PLCB1: variants seen among roughly 807,000 people sequenced by gnomAD.
PLCB1 encodes phospholipase C beta 1, also known as 1-phosphatidylinositol 4,5-bisphosphate phosphodiesterase beta-1.
A neutral mutation model predicts 161.8 loss-of-function variants in PLCB1; 46 were observed. The ratio of observed to expected loss-of-function variants is 0.28; its 90% CI spans 0.22 to 0.36. The LOEUF is 0.36. PLCB1 is among the 10% of genes least tolerant of loss of function. The probability of loss-of-function intolerance (pLI) is 1.00; values close to 1 mark genes in which losing one functional copy is unlikely to be tolerated. For synonymous variants in PLCB1, 517 were observed against 503.7 expected (o/e 1.03, Z -0.35); for missense variants, 1,016 against 1,472.5 (o/e 0.69, Z 5.07).
At chr20:8,495,264 T>C (rs1054382840) in intron 3 of PLCB1, among the ~76,000 whole-genome samples, 2 of 152,152 alleles carry the variant, frequency 1.3e-5, no homozygotes, top group African/African-American at 4.8e-5. Flanking sequence ...AGCAAAGTCT[T>C]AGATTAAGGC....
At chr20:8,748,729 T>TAA (rs55905244) in intron 23 of PLCB1, among the ~76,000 whole-genome samples, 165 of 152,182 alleles carry the variant, frequency 1.1e-3, no homozygotes, top group African/African-American at 3.9e-3. Flanking sequence ...GATGAACAAG[T>TAA]AAAAAAATCT....
At chr20:8,195,806 G>C (rs1296334964) in intron 2 of PLCB1, among the ~76,000 whole-genome samples, 1 of 152,050 alleles carries the variant, frequency 6.6e-6, no homozygotes, top group South Asian at 2.1e-4. Flanking sequence ...TCTCAGTCTT[G>C]ATTTGTATGA....
At chr20:8,788,584 C>T in intron 28 of PLCB1, 49 bp from the exon 29 acceptor site, 1 of 1,594,108 alleles carries the variant, frequency 6.3e-7, no homozygotes, top group Non-Finnish European at 8.6e-7. Context: ...AACACAAATT[C>T]CCATCTGATT....
rs190824286 is a variant in PLCB1, at chr20:8,584,828, C to A, written c.247-43466C>A. Among the ~76,000 whole-genome samples the A allele has an allele frequency of 2.8e-3, 421 of 152,066 alleles. 11 individuals are homozygous for A. Among genetic ancestry groups the A allele is most frequent in the Admixed American group, 0.027 (414 of 15,260 alleles). On this transcript the variant is annotated intron_variant, in intron 3 of 31. Transcript: ENST00000338037. The stretch of plus-strand genomic sequence containing the variant: ...GCCTCAGCCTCCTTAGTAGCTGGGA[C>A]TATAGGCGCCCGCCACCACACCTGA...
intron 21 of PLCB1, among the ~76,000 whole-genome samples, chr20:8,739,903 G>A (rs928559376): frequency 2.6e-5 from 4 of 152,182 alleles, no homozygotes; most frequent in Admixed American, 6.5e-5. Context: ...GGTGGCTCAC[G>A]CCTATAATCT....
At chr20:8,834,588 C>T (rs1430469793) in intron 31 of PLCB1, among the ~76,000 whole-genome samples, 1 of 151,936 alleles carries the variant, frequency 6.6e-6, no homozygotes, top group Non-Finnish European at 1.5e-5. Flanking sequence ...GCCAAGGCGG[C>T]CAGATCACTT....
At position 8,320,842 on chromosome 20, in the gene PLCB1, G is replaced by A. The variant is rs1349589945; in HGVS notation, c.178-50540G>A. Reference sequence around the variant, plus strand: ...GGGAGGGAGGGAGAGAGGGAGGGAGGGAGGGAGGGAAAGAGAGAGAAAGAA... The same window carrying A: ...GGGAGGGAGGGAGAGAGGGAGGGAGAGAGGGAGGGAAAGAGAGAGAAAGAA... On this transcript the variant is annotated intron_variant, in intron 2 of 31. Coordinates refer to ENST00000338037, the MANE Select transcript of PLCB1 (RefSeq NM_015192.4). 2.8e-5 allele frequency among the ~76,000 whole-genome samples: 4 copies of A among 140,764 alleles called. No individual in the cohort carries two copies. In the Admixed American group the frequency reaches 2.8e-4, roughly 10 times the overall value. 92.3% of individuals were successfully genotyped at this position (140,764 alleles called of 152,430 possible).
intron 4 of PLCB1, among the ~76,000 whole-genome samples, chr20:8,644,204 G>A (rs895399879): frequency 9.2e-5 from 14 of 152,154 alleles, no homozygotes; most frequent in Non-Finnish European, 1.2e-4. Context: ...TGCAGCCTCT[G>A]CCCGGCCACC....
intron 2 of PLCB1, among the ~76,000 whole-genome samples, chr20:8,171,839 A>G (rs2051735656): frequency 1.3e-5 from 2 of 152,130 alleles, no homozygotes; most frequent in Non-Finnish European, 2.9e-5. Flanking sequence ...TTACTTTCTC[A>G]TTGTAAAGTC....
At chr20:8,636,713 G>A (rs1015916194) in intron 4 of PLCB1, among the ~76,000 whole-genome samples, 1 of 152,206 alleles carries the variant, frequency 6.6e-6, no homozygotes, top group Non-Finnish European at 1.5e-5. Flanking sequence ...AACTTTTTTG[G>A]AGCCAGAGAG....
At chr20:8,137,613 A>T (rs1453407846) in intron 1 of PLCB1, among the ~76,000 whole-genome samples, 1 of 152,226 alleles carries the variant, frequency 6.6e-6, no homozygotes, top group Non-Finnish European at 1.5e-5. Flanking sequence ...TTAAAAAATC[A>T]GTGTAACATG....
chr20:8,339,233 G>T (rs572362501), intron 2 of PLCB1, among the ~76,000 whole-genome samples: 4 of 152,286 alleles, frequency 2.6e-5, no homozygotes, highest in African/African-American at 9.6e-5. Context: ...GTTTTCTGAA[G>T]TTCTGTGTCA....
chr20:8,621,354 C>A (rs1321200470), intron 3 of PLCB1, among the ~76,000 whole-genome samples: 1 of 152,096 alleles, frequency 6.6e-6, no homozygotes, highest in Non-Finnish European at 1.5e-5. Context: ...TAAAACATGG[C>A]TGAAAAGTTG....
At chr20:8,791,049 G>A (rs894762426) in intron 31 of PLCB1, among the ~76,000 whole-genome samples, 3 of 151,138 alleles carry the variant, frequency 2.0e-5, no homozygotes, top group Admixed American at 6.6e-5. Context: ...GTTAAAAAAC[G>A]TTAGTTTTAT....
intron 3 of PLCB1, among the ~76,000 whole-genome samples, chr20:8,617,863 T>TATC (rs1988077771): frequency 6.6e-6 from 1 of 152,220 alleles, no homozygotes; most frequent in South Asian, 2.1e-4. Context: ...TTTAATCCCA[T>TATC]ATCATATACT....
chr20:8,697,441 A>G (rs1464129950), intron 10 of PLCB1, among the ~76,000 whole-genome samples, 185 bp from the exon 11 acceptor site: 3 of 152,224 alleles, frequency 2.0e-5, no homozygotes, highest in Non-Finnish European at 4.4e-5. Context: ...CCAAAGCACT[A>G]CTACAGATTC....
chr20:8,811,251 A>G (rs1190463014), intron 31 of PLCB1, among the ~76,000 whole-genome samples: 1 of 152,242 alleles, frequency 6.6e-6, no homozygotes, highest in Non-Finnish European at 1.5e-5. Flanking sequence ...TGGATTAAAC[A>G]GGAGACCAGG....
chr20:8,865,194 T>C (rs1266445859), intron 31 of PLCB1, among the ~76,000 whole-genome samples: 1 of 152,120 alleles, frequency 6.6e-6, no homozygotes, highest in Non-Finnish European at 1.5e-5. Flanking sequence ...GAGATAAACA[T>C]TGATGGAAAG....
At chr20:8,340,899 C>G (rs553164469) in intron 2 of PLCB1, among the ~76,000 whole-genome samples, 1 of 152,224 alleles carries the variant, frequency 6.6e-6, no homozygotes, top group African/African-American at 2.4e-5. Flanking sequence ...ACAGAAAGGT[C>G]ATTGGTTTTA....
Sources: gnomAD v4.1 joint callset for allele counts (sites outside exome capture counted in the v4.1 genomes callset) on GRCh38, gnomAD v4.1.1 for gene constraint, MANE v1.5 for transcripts, NCBI Gene and HGNC (gene_info 2026-07-23, HGNC 2026-07-21) for gene names.